UPF3B: variants seen among roughly 807,000 people sequenced by gnomAD.
UPF3B encodes the protein UPF3B regulator of nonsense mediated mRNA decay.
Under a neutral mutation model 40.3 loss-of-function variants are expected in UPF3B, and 7 were observed. That is an observed-to-expected ratio of 0.17 (90% CI 0.10 to 0.33). UPF3B has a LOEUF of 0.33. Among genes scored for constraint, UPF3B ranks in the 10% least tolerant of loss-of-function variants. The probability of loss-of-function intolerance (pLI) is 1.00; values close to 1 mark genes in which losing one functional copy is unlikely to be tolerated. For synonymous variants in UPF3B, 117 were observed against 117.3 expected, an observed-to-expected ratio of 1.00 and a Z score of 0.01; for missense variants, 229 against 358.9, an observed-to-expected ratio of 0.64 and a Z score of 2.93.
At chrX:119,846,009 G>C (rs112255217) in intron 3 of UPF3B, among the ~76,000 whole-genome samples, 1 of 109,860 alleles carries the variant, frequency 9.1e-6, no homozygotes, top group Non-Finnish European at 1.9e-5. Flanking sequence ...ATTTCATAAT[G>C]TATACATTTC....
chrX:119,818,696 C>A (rs1050666019), intron 4 of UPF3B, among the ~76,000 whole-genome samples: 2 of 112,348 alleles, frequency 1.8e-5, no homozygotes, highest in Non-Finnish European at 3.8e-5. Flanking sequence ...AAAACCAGAT[C>A]AGCTGCAGAC....
intron 3 of UPF3B, chrX:119,823,081 C>T (rs942870351): frequency 2.9e-6 from 2 of 698,109 alleles, no homozygotes; most frequent in African/African-American, 2.4e-5. Context: ...TACAACAATG[C>T]TACTAAGCTT....
intron 10 of UPF3B, among the ~76,000 whole-genome samples, chrX:119,835,755 C>T (rs1008816925): frequency 2.7e-5 from 3 of 111,340 alleles, no homozygotes; most frequent in African/African-American, 9.8e-5. Flanking sequence ...TTGAGGGGAT[C>T]GGCTGAGCTC....
intron 5 of UPF3B, among the ~76,000 whole-genome samples, chrX:119,809,630 G>A (rs760295215): frequency 8.9e-5 from 10 of 111,960 alleles, no homozygotes; most frequent in Non-Finnish European, 1.5e-4. Context: ...GCTGAGGGAG[G>A]AGAATAGCTT....
chrX:119,835,397 G>A (rs1195975613), intron 10 of UPF3B, among the ~76,000 whole-genome samples: 1 of 111,044 alleles, frequency 9.0e-6, no homozygotes, highest in Non-Finnish European at 1.9e-5. Context: ...TACCACACTG[G>A]GCTGTTTTTA....
chrX:119,842,252 C>T (rs1478949859), intron 5 of UPF3B, among the ~76,000 whole-genome samples: 5 of 111,646 alleles, frequency 4.5e-5, no homozygotes, highest in Admixed American at 2.9e-4. Flanking sequence ...TCATTTTCAA[C>T]ATTCTGAATA....
chrX:119,829,170 C>T (rs1002934407), downstream of UPF3B, among the ~76,000 whole-genome samples: 1 of 111,632 alleles, frequency 9.0e-6, no homozygotes, highest in South Asian at 3.7e-4. Context: ...TACAGGCGTG[C>T]GCCATCATGC....
intron 3 of UPF3B, among the ~76,000 whole-genome samples, chrX:119,827,026 G>T (rs1025089707): frequency 8.9e-6 from 1 of 111,821 alleles, no homozygotes; most frequent in Admixed American, 9.6e-5. Flanking sequence ...AGAAAAATGC[G>T]CAGGAAAGTT....
intron 2 of UPF3B, 51 bp downstream of exon 2, chrX:119,851,716 A>G: frequency 1.1e-6 from 1 of 940,293 alleles, no homozygotes; most frequent in Non-Finnish European, 1.4e-6. Flanking sequence ...GGATAAAAAG[A>G]ATGAAAGAAA....
chrX:119,814,600 T>C (rs186637539), intron 5 of UPF3B, among the ~76,000 whole-genome samples: 1 of 111,897 alleles, frequency 8.9e-6, no homozygotes, highest in Admixed American at 9.6e-5. Context: ...AGAAACTCAA[T>C]TTGGGATGAA....
chrX:119,828,789 C>T (rs768308580), intron 3 of UPF3B, among the ~76,000 whole-genome samples: 1 of 110,774 alleles, frequency 9.0e-6, no homozygotes, highest in East Asian at 2.8e-4. Context: ...GGTGCCATCT[C>T]GGCTCACTGC....
At chrX:119,807,710 A>AAG in intron 5 of UPF3B, 1 of 220,818 alleles carries the variant, frequency 4.5e-6, no homozygotes, top group Non-Finnish European at 6.6e-6. Context: ...ATGTGAGGGC[A>AAG]TGGTAAATGA....
At chrX:119,824,504 GCAACAGGCTAGA>G (rs2055958564) in intron 3 of UPF3B, among the ~76,000 whole-genome samples, 1 of 108,730 alleles carries the variant, frequency 9.2e-6, no homozygotes, top group Admixed American at 1.0e-4. Flanking sequence ...GAGATGGCTG[GCAACAGGCTAGA>G]CAAAGAGGCA....
At chrX:119,829,253 C>T (rs1169617555), downstream of UPF3B, among the ~76,000 whole-genome samples, 1 of 111,963 alleles carries the variant, frequency 8.9e-6, no homozygotes, top group East Asian at 2.8e-4. Flanking sequence ...AACTCCTGAC[C>T]TCGTGATCTG....
intron 5 of UPF3B, among the ~76,000 whole-genome samples, chrX:119,809,952 C>A (rs2055817068): frequency 9.0e-6 from 1 of 111,573 alleles, no homozygotes; most frequent in Non-Finnish European, 1.9e-5. Flanking sequence ...TTTATGGGGA[C>A]AATGCACCTA....
intron 4 of UPF3B, among the ~76,000 whole-genome samples, chrX:119,817,185 T>A (rs967776602): frequency 3.6e-5 from 4 of 111,237 alleles, no homozygotes; most frequent in Non-Finnish European, 5.7e-5. Flanking sequence ...GCCTGGCTGG[T>A]CTGGAACTCC....
At chrX:119,850,435 GA>G (rs1262571263) in intron 3 of UPF3B, among the ~76,000 whole-genome samples, 1 of 111,940 alleles carries the variant, frequency 8.9e-6, no homozygotes, top group Non-Finnish European at 1.9e-5. Context: ...AGTTGGAGTG[GA>G]AAAATAGCTG....
At chrX:119,849,875 TA>T (rs1170917622) in intron 3 of UPF3B, among the ~76,000 whole-genome samples, 1 of 108,064 alleles carries the variant, frequency 9.3e-6, no homozygotes, top group Non-Finnish European at 1.9e-5. Context: ...AACAAGATAT[TA>T]AAAAAAAACA....
chrX:119,805,977 T>C (rs2055787451), intron 6 of UPF3B, among the ~76,000 whole-genome samples: 1 of 77,176 alleles, frequency 1.3e-5, no homozygotes, highest in Non-Finnish European at 2.5e-5. Context: ...GCCATCCCAT[T>C]ACTGGGTATA....
Sources: allele counts gnomAD v4.1 joint callset (sites outside exome capture counted in the v4.1 genomes callset), GRCh38; gene constraint gnomAD v4.1.1; transcripts MANE v1.5; gene names NCBI Gene and HGNC (gene_info 2026-07-23, HGNC 2026-07-21).